METTL22: variants seen among roughly 807,000 people sequenced by gnomAD.
METTL22 encodes the protein methyltransferase 22, Kin17 lysine.
METTL22 carries 51 observed loss-of-function variants against 48.4 expected under a neutral mutation model. The ratio of observed to expected loss-of-function variants is 1.05; its 90% CI spans 0.84 to 1.33. The LOEUF (loss-of-function observed/expected upper bound fraction) is 1.33. Among genes scored for constraint, METTL22 ranks in the 40% most tolerant of loss-of-function variants. METTL22 has a pLI of 0.00. For synonymous variants in METTL22, 255 were observed against 214.1 expected, an observed-to-expected ratio of 1.19 and a Z score of -1.67; for missense variants, 678 against 526.9, an observed-to-expected ratio of 1.29 and a Z score of -2.81.
chr16:8,657,881 A>T, the METTL22 span, among the ~76,000 whole-genome samples: 1 of 146,430 alleles, frequency 6.8e-6, no homozygotes, highest in African/African-American at 2.6e-5. Context: ...CAGTGGTGTG[A>T]TCATAGCTCA....
chr16:8,663,024 A>G, the METTL22 span, among the ~76,000 whole-genome samples: 1 of 149,766 alleles, frequency 6.7e-6, no homozygotes, highest in Non-Finnish European at 1.5e-5. Flanking sequence ...CCTGGCCAAC[A>G]TGGTGAAACC....
chr16:8,665,615 C>G, the METTL22 span, among the ~76,000 whole-genome samples: 1 of 152,250 alleles, frequency 6.6e-6, no homozygotes, highest in Admixed American at 6.5e-5. Flanking sequence ...TGGATCTTCA[C>G]AGCACGCTCA....
intron 10 of METTL22, chr16:8,645,064 G>A (rs775508932): frequency 7.8e-5 from 15 of 191,758 alleles, no homozygotes; most frequent in Non-Finnish European, 1.6e-4. Flanking sequence ...AAGTTTGTGG[G>A]TTGCAGATCT....
At chr16:8,636,632 G>A (rs1162704806) in intron 5 of METTL22, among the ~76,000 whole-genome samples, 1 of 109,388 alleles carries the variant, frequency 9.1e-6, no homozygotes, top group Non-Finnish European at 1.7e-5. Context: ...ATTCCTATGG[G>A]TTTTGGTTTT....
intron 5 of METTL22, 115 bp from the exon 6 acceptor site, chr16:8,638,976 C>T (rs901056196): frequency 3.0e-6 from 3 of 1,012,476 alleles, no homozygotes; most frequent in Admixed American, 1.9e-5. Context: ...ATAGGAGAAA[C>T]GTTTCTCTAA....
Position 8,646,751 on chromosome 16 carries a change from C to A in METTL22, c.*608C>A. The A allele has an allele frequency of 2.3e-6, 1 of 443,404 alleles. No individual in the cohort carries two copies. The highest frequency in any genetic ancestry group is 4.6e-6 in the Non-Finnish European group (1 of 217,602). The allele number at this position is 443,404 out of a possible 1,614,324, so 27.5% of individuals were successfully genotyped here. On this transcript the variant is annotated 3_prime_UTR_variant, in exon 11 of 11. Coordinates refer to ENST00000381920, the MANE Select transcript of METTL22 (RefSeq NM_024109.4). Reference sequence around the variant, plus strand: ...GTTTGGAATAAACCTAAGAGCCACTCTTTGGGGTCATGTGCAGCTGACCAG... The same window carrying A: ...GTTTGGAATAAACCTAAGAGCCACTATTTGGGGTCATGTGCAGCTGACCAG...
the METTL22 span, among the ~76,000 whole-genome samples, chr16:8,663,225 A>AAGT: frequency 8.9e-5 from 11 of 123,466 alleles, no homozygotes; most frequent in African/African-American, 3.4e-4. Flanking sequence ...AAAAAAAAAA[A>AAGT]GGTAGCCAAG....
the METTL22 span, among the ~76,000 whole-genome samples, chr16:8,660,898 G>A: frequency 1.4e-5 from 2 of 142,688 alleles, no homozygotes; most frequent in African/African-American, 2.6e-5. Context: ...AGGAGGAGGA[G>A]GAGGAGGAGC....
chr16:8,645,020 G>C (rs1371636593), intron 10 of METTL22: 4 of 235,882 alleles, frequency 1.7e-5, no homozygotes, highest in Non-Finnish European at 2.4e-5. Flanking sequence ...GACCGAGGCA[G>C]AGGTTGTTTG....
chr16:8,630,297 C>A (rs181559173), intron 3 of METTL22, among the ~76,000 whole-genome samples: 1 of 152,206 alleles, frequency 6.6e-6, no homozygotes, highest in East Asian at 1.9e-4. Flanking sequence ...GAACCCAGTT[C>A]CATGTATCCC....
Position 8,641,143 on chromosome 16 carries a change from G to C in METTL22, c.785G>C (p.Arg262Thr), listed in dbSNP as rs199972558. 4.6e-5 allele frequency: 75 copies of C among 1,613,872 alleles called. No individual in the cohort carries two copies. The highest frequency in any genetic ancestry group is 5.7e-5 in the Non-Finnish European group (67 of 1,179,952). The change falls in exon 7 of 11, where the codon AGG becomes ACG. Residue 262 changes from arginine to threonine, a missense_variant. Arg to Thr is a moderately conservative substitution (Grantham distance 71). Transcript: ENST00000381920. ...HLAATGGGIVRVKELDWLKDD... is the reference protein window; with the variant it reads ...HLAATGGGIVTVKELDWLKDD... ...TTTGTTTTTACAGGTGGTATAGTTAGGGTCAAAGAACTGGACTGGCTGAAG... is the reference window on the plus strand; with the variant it reads ...TTTGTTTTTACAGGTGGTATAGTTACGGTCAAAGAACTGGACTGGCTGAAG...
chr16:8,641,241 T>A, intron 7 of METTL22, 57 bp downstream of exon 7: 1 of 1,546,072 alleles, frequency 6.5e-7, no homozygotes, highest in Non-Finnish European at 8.9e-7. Flanking sequence ...TTGTAATACC[T>A]CAGTGCCCCT....
intron 10 of METTL22, 126 bp from the exon 11 acceptor site, chr16:8,645,982 A>ATCTCGCCT (rs750393679): frequency 1.6e-6 from 2 of 1,268,576 alleles, no homozygotes; most frequent in Non-Finnish European, 9.8e-7. Flanking sequence ...CTCCTGCCCC[A>ATCTCGCCT]GCTCGCCTGC....
At chr16:8,653,258 C>G (rs1730976), downstream of METTL22, among the ~76,000 whole-genome samples, 150,418 of 152,320 alleles carry the variant, frequency 0.99, 74,304 homozygotes, top group Middle Eastern at 1. Context: ...GAATTTTAAC[C>G]CTCTGTTAAA....
In METTL22 at chr16:8,646,722, GT is replaced by G. The variant is rs1191305717; in HGVS notation, c.*580del. On this transcript the variant is annotated 3_prime_UTR_variant, in exon 11 of 11. Coordinates refer to ENST00000381920, the MANE Select transcript of METTL22 (RefSeq NM_024109.4). ...TTTAACTCTTTATCACCCAAATCAG[GT>G]ACGTTTGGAATAAACCTAAGAGCCA... 1 of 453,566 alleles carries G rather than the reference GT, an allele frequency of 2.2e-6. No homozygotes were observed. Among genetic ancestry groups the G allele is most frequent in the East Asian group, 7.0e-5 (1 of 14,294 alleles). The allele number at this position is 453,566 out of a possible 1,614,324, so 28.1% of individuals were successfully genotyped here.
At chr16:8,642,374 G>T in intron 8 of METTL22, 89 bp from the exon 9 acceptor site, 1 of 1,341,390 alleles carries the variant, frequency 7.5e-7, no homozygotes, top group East Asian at 2.3e-5. Flanking sequence ...GTGGTGATAA[G>T]CATTCTCTCT....
intron 9 of METTL22, chr16:8,644,302 T>C (rs887926745): frequency 1.0e-5 from 3 of 297,996 alleles, no homozygotes; most frequent in Non-Finnish European, 1.9e-5. Context: ...TCCAGCAGTG[T>C]CATTGTGGGC....
chr16:8,630,590 C>T (rs2056224961), intron 3 of METTL22, among the ~76,000 whole-genome samples: 2 of 152,146 alleles, frequency 1.3e-5, no homozygotes, highest in African/African-American at 4.8e-5. Context: ...TTAGCCTCCC[C>T]AAGCTGGGGA....
rs1435582323 is a variant in METTL22, at chr16:8,647,233, A to G, written c.*1090A>G. On this transcript the variant is annotated 3_prime_UTR_variant, in exon 11 of 11. Transcript: ENST00000381920. ...CAGGGGCCAGGCACTTGCAAGTCTA[A>G]CTTCATCTTCCCAACAAATTTAGGA... The G allele has an allele frequency of 6.4e-6, 1 of 156,878 alleles. No individual in the cohort carries two copies. Among genetic ancestry groups the G allele is most frequent in the Non-Finnish European group, 1.4e-5 (1 of 70,800 alleles). The allele number at this position is 156,878 out of a possible 1,614,324, so 9.7% of individuals were successfully genotyped here. A position where few individuals can be genotyped will look rare whatever the true frequency, so the allele number is the denominator to read the frequency against.
Sources: allele counts gnomAD v4.1 joint callset (sites outside exome capture counted in the v4.1 genomes callset), GRCh38; gene constraint gnomAD v4.1.1; transcripts MANE v1.5; gene names NCBI Gene and HGNC (gene_info 2026-07-23, HGNC 2026-07-21).